Variants in PNN observed in about 807,000 individuals in gnomAD.
The protein encoded by PNN is pinin.
In PNN, 38 loss-of-function variants were observed where a neutral mutation model predicts 76.6. That is an observed-to-expected ratio of 0.50 (90% CI 0.38 to 0.65). PNN has a LOEUF of 0.65. PNN is among the 30% of genes least tolerant of loss of function. The pLI, the probability that PNN is intolerant of heterozygous loss-of-function variation, is 0.00. For missense variants in PNN, 873 were observed against 874.1 expected (o/e 1.00, Z 0.02); for synonymous variants, 366 against 283.7 (o/e 1.29, Z -2.91).
chr14:39,177,355 C>A, intron 3 of PNN, 57 bp from the exon 4 acceptor site: 2 of 1,437,518 alleles, frequency 1.4e-6, no homozygotes, highest in South Asian at 1.2e-5. Context: ...CACTGCACTT[C>A]AGCCTGGGTG....
intron 6 of PNN, among the ~76,000 whole-genome samples, chr14:39,178,161 A>T (rs1419491410): frequency 6.6e-6 from 1 of 152,156 alleles, no homozygotes; most frequent in African/African-American, 2.4e-5. Flanking sequence ...AAAAGCCTCA[A>T]GTCTCCATTT....
chr14:39,180,915 C>T lies in PNN; in HGVS notation c.1206C>T (p.Asp402=), dbSNP rs1472753084. The change falls in exon 9 of 9, where the codon GAC becomes GAT. Residue 402 remains aspartate (D), a synonymous_variant. Coordinates refer to ENST00000216832, the MANE Select transcript of PNN (RefSeq NM_002687.4). ...AGAATGTCAAACATGTAATTGCTGACCAGGAGGTAATGGAAACTAATCGAG... is the reference window on the plus strand; with the variant it reads ...AGAATGTCAAACATGTAATTGCTGATCAGGAGGTAATGGAAACTAATCGAG... ...MVENVKHVIA[D]QEVMETNRVE... is the part of the protein sequence containing the mutation. The T allele has an allele frequency of 2.5e-6, 4 of 1,613,692 alleles. No homozygotes were observed. The highest frequency in any genetic ancestry group is 3.4e-6 in the Non-Finnish European group (4 of 1,179,922).
In PNN at chr14:39,179,427, A is replaced by G; in HGVS notation, c.758A>G (p.Gln253Arg). Residue 253 changes from glutamine to arginine, a missense_variant, in exon 8 of 9, where the codon CAA (glutamine) becomes CGA (arginine). This residue lies in a region of PNN where 712 missense variants were observed against 693.1 expected (regional missense o/e 1.03). Transcript: ENST00000216832. ...YIPGRMCPAT[Q>R]KLIEESQRKM... is the part of the protein sequence containing the mutation. ...CCTGGAAGAATGTGTCCAGCTACCC[A>G]AAAACTAATAGAAGAGTCACAGAGA... The G allele has an allele frequency of 1.2e-6, 2 of 1,612,898 alleles. No individual in the cohort carries two copies. The highest frequency in any genetic ancestry group is 1.7e-6 in the Non-Finnish European group (2 of 1,179,210).
Position 39,179,124 on chromosome 14 carries a change from GA to G in PNN, c.534del (p.Val179PhefsTer51). On this transcript the variant is annotated frameshift_variant, in exon 7 of 9. Coordinates refer to ENST00000216832, the MANE Select transcript of PNN (RefSeq NM_002687.4). LOFTEE classifies it high-confidence loss of function. ...KRRQEIEQKL[E>X]VQAEEERKQV... Reference sequence around the variant, plus strand: ...GCGCCAGGAAATTGAACAAAAACTTGAAGTTCAGGCAGAAGAAGAGAGAAAG... The same window carrying G: ...GCGCCAGGAAATTGAACAAAAACTTGAGTTCAGGCAGAAGAAGAGAGAAAG... 1 of 1,612,910 alleles carries G rather than the reference GA, an allele frequency of 6.2e-7. No individual in the cohort carries two copies. The highest frequency in any genetic ancestry group is 8.5e-7 in the Non-Finnish European group (1 of 1,179,792).
Position 39,183,179 on chromosome 14 carries a change from A to G in PNN, c.*1316A>G, listed in dbSNP as rs1034396181. 2 of 152,238 alleles carry G rather than the reference A, an allele frequency of 1.3e-5. No individual in the cohort carries two copies. Among genetic ancestry groups the G allele is most frequent in the Non-Finnish European group, 2.9e-5 (2 of 68,036 alleles). 9.4% of individuals were successfully genotyped at this position (152,238 alleles called of 1,614,324 possible). A position where few individuals can be genotyped will look rare whatever the true frequency, so the allele number is the denominator to read the frequency against. On this transcript the variant is annotated 3_prime_UTR_variant, in exon 9 of 9. Transcript: ENST00000216832. Reference sequence around the variant, plus strand: ...GATGTGTTAAAAGATCTCTTTTTAAAAATCCTTTTATTGGAGTAATTATTA... The same window carrying G: ...GATGTGTTAAAAGATCTCTTTTTAAGAATCCTTTTATTGGAGTAATTATTA...
Position 39,182,606 on chromosome 14 carries a change from T to A in PNN, c.*743T>A, listed in dbSNP as rs1317478960. On this transcript the variant is annotated 3_prime_UTR_variant, in exon 9 of 9. Coordinates refer to ENST00000216832, the MANE Select transcript of PNN (RefSeq NM_002687.4). ...TTTGTCTTCATGGTTACTTGTGTGA[T>A]ATAACATACATCTGTTAAAGAAAAT... The A allele has an allele frequency of 1.3e-5, 2 of 152,520 alleles. No individual in the cohort carries two copies. Among genetic ancestry groups the A allele is most frequent in the African/African-American group, 4.8e-5 (2 of 41,462 alleles). 9.4% of individuals were successfully genotyped at this position (152,520 alleles called of 1,614,324 possible).
chr14:39,183,035 T>C lies in PNN; in HGVS notation c.*1172T>C, dbSNP rs1276477181. 6.6e-6 allele frequency: 1 copy of C among 152,660 alleles called. No individual in the cohort carries two copies. The highest frequency in any genetic ancestry group is 2.4e-5 in the African/African-American group (1 of 41,460). 9.5% of individuals were successfully genotyped at this position (152,660 alleles called of 1,614,324 possible). A position where few individuals can be genotyped will look rare whatever the true frequency, so the allele number is the denominator to read the frequency against. On this transcript the variant is annotated 3_prime_UTR_variant, in exon 9 of 9. Transcript: ENST00000216832. ...CCTTCTTTGAGTTTAACACTGTAGC[T>C]TTAGCCTTGACTTTGAATATTCATT...
At chr14:39,175,799 C>T (rs998915907) in intron 1 of PNN, 3 of 484,188 alleles carry the variant, frequency 6.2e-6, no homozygotes, top group East Asian at 4.1e-5. Context: ...TGTCCACGTG[C>T]AGCCTCCTCG....
rs772124441 is a variant in PNN, at chr14:39,180,711, A to G, written c.1002A>G (p.Ala334=). Residue 334 remains alanine (A), a synonymous_variant, in exon 9 of 9, where the codon GCA becomes GCG. Transcript: ENST00000216832. ...NQHNDVEIEE[A]GEEEEKEIAI... Reference sequence around the variant, plus strand: ...ACAATGATGTAGAAATAGAGGAAGCAGGAGAGGAAGAGGAAAAGGAAATAG... The same window carrying G: ...ACAATGATGTAGAAATAGAGGAAGCGGGAGAGGAAGAGGAAAAGGAAATAG... 1.9e-6 allele frequency: 3 copies of G among 1,600,456 alleles called. No individual in the cohort carries two copies. The highest frequency in any genetic ancestry group is 2.6e-6 in the Non-Finnish European group (3 of 1,172,212).
chr14:39,181,811 C>G lies in PNN; in HGVS notation c.2102C>G (p.Ser701Cys). ...GAGAGTAGTCGATCAGGCAAAAGATCTTCAAGAAGTGAAAGAGACCGAAAA... is the reference window on the plus strand; with the variant it reads ...GAGAGTAGTCGATCAGGCAAAAGATGTTCAAGAAGTGAAAGAGACCGAAAA... The part of the protein sequence containing the change: ...ISESSRSGKR[S>C]SRSERDRKSD... The change falls in exon 9 of 9, where the codon TCT becomes TGT. Residue 701 changes from serine (S) to cysteine (C), a missense_variant. This residue lies in a region of PNN where 712 missense variants were observed against 693.1 expected (regional missense o/e 1.03). Transcript: ENST00000216832. 1 of 1,608,724 alleles carries G rather than the reference C, an allele frequency of 6.2e-7. No individual in the cohort carries two copies. The highest frequency in any genetic ancestry group is 8.5e-7 in the Non-Finnish European group (1 of 1,178,716).
At position 39,182,898 on chromosome 14, in the gene PNN, G is replaced by A. The variant is rs1168005334; in HGVS notation, c.*1035G>A. 2 of 152,540 alleles carry A rather than the reference G, an allele frequency of 1.3e-5. No individual in the cohort carries two copies. The highest frequency in any genetic ancestry group is 2.9e-5 in the Non-Finnish European group (2 of 68,014). The allele number at this position is 152,540 out of a possible 1,614,324, so 9.4% of individuals were successfully genotyped here. A position where few individuals can be genotyped will look rare whatever the true frequency, so the allele number is the denominator to read the frequency against. On this transcript the variant is annotated 3_prime_UTR_variant, in exon 9 of 9. Coordinates refer to ENST00000216832, the MANE Select transcript of PNN (RefSeq NM_002687.4). ...TTTGTATGAACTTGGAGTATCTGTT[G>A]GCCATTACTATACATGTGCAAATAA...
Position 39,177,076 on chromosome 14 carries a change from C to T in PNN, c.255-336C>T, listed in dbSNP as rs371764620. 4.6e-5 allele frequency among the ~76,000 whole-genome samples: 7 copies of T among 152,284 alleles called. No homozygotes were observed. The South Asian group carries it at 6.2e-4, about 14-fold the overall frequency. Reference sequence around the variant, plus strand: ...CCCTTGGTGTGCAGTTACATAAATACCTCAGTGGTCATTTAAATTAATTTT... The same window carrying T: ...CCCTTGGTGTGCAGTTACATAAATATCTCAGTGGTCATTTAAATTAATTTT... On this transcript the variant is annotated intron_variant, in intron 3 of 8. Transcript: ENST00000216832.
chr14:39,175,690 A>C (rs1594553220), intron 1 of PNN: 1 of 476,662 alleles, frequency 2.1e-6, no homozygotes, highest in East Asian at 4.3e-5. Context: ...CAGGCCCGGA[A>C]CTGCAGCACA....
chr14:39,177,941 A>G, intron 6 of PNN, 25 bp downstream of exon 6: 1 of 1,412,746 alleles, frequency 7.1e-7, no homozygotes. Context: ...TTTGTTTTGC[A>G]TCATATATTT....
chr14:39,181,323 T>G lies in PNN; in HGVS notation c.1614T>G (p.Thr538=). Residue 538 remains threonine (T), a synonymous_variant, in exon 9 of 9, where the codon ACT becomes ACG. Transcript: ENST00000216832. ...KDFPVESVKL[T]EVPVEPVLTV... ...TTCCTGTAGAGTCTGTAAAACTCAC[T>G]GAGGTACCAGTAGAGCCAGTCTTGA... is the stretch of plus-strand genomic sequence containing the variant. 6.2e-7 allele frequency: 1 copy of G among 1,614,188 alleles called. No homozygotes were observed. The highest frequency in any genetic ancestry group is 8.5e-7 in the Non-Finnish European group (1 of 1,180,016).
rs2053235874 is a variant in PNN at position 39,177,412 on chromosome 14, G to A, written c.255G>A (p.Arg85=). 2 of 1,613,502 alleles carry A rather than the reference G, an allele frequency of 1.2e-6. No individual in the cohort carries two copies. The highest frequency in any genetic ancestry group is 1.7e-6 in the Non-Finnish European group (2 of 1,179,532). The change falls in exon 4 of 9, where the codon AGG becomes AGA. Residue 85 remains arginine, a splice_region_variant and synonymous_variant. Transcript: ENST00000216832. The part of the protein sequence containing the change: ...KQRDLEGAVS[R]LGGERRTRRE... The stretch of plus-strand genomic sequence containing the variant: ...AAAAAATTAATATTTTCTATGACAG[G>A]CTGGGCGGGGAGCGTCGGACCAGAA...
rs1458160554 is a variant in PNN at position 39,180,864 on chromosome 14, A to G, written c.1155A>G (p.Glu385=). 1.9e-6 allele frequency: 3 copies of G among 1,614,108 alleles called. No individual in the cohort carries two copies. Among genetic ancestry groups the G allele is most frequent in the East Asian group, 2.2e-5 (1 of 44,894 alleles). ...SEKQQDSQPE[E]VMDVLEMVEN... ...AGCAGCAGGATAGTCAGCCTGAAGAAGTTATGGATGTGCTAGAGATGGTTG... is the reference window on the plus strand; with the variant it reads ...AGCAGCAGGATAGTCAGCCTGAAGAGGTTATGGATGTGCTAGAGATGGTTG... The change falls in exon 9 of 9, where the codon GAA becomes GAG. Residue 385 remains glutamate (E), a synonymous_variant. Transcript: ENST00000216832.
chr14:39,180,703 G>C lies in PNN; in HGVS notation c.994G>C (p.Glu332Gln). ...TGNQHNDVEI[E>Q]EAGEEEEKEI... ...TAATCAGCACAATGATGTAGAAATA[G>C]AGGAAGCAGGAGAGGAAGAGGAAAA... The change falls in exon 9 of 9, where the codon GAG becomes CAG. Residue 332 changes from glutamate (E) to glutamine (Q), a missense_variant. Glu to Gln is a conservative substitution (Grantham distance 29, BLOSUM62 2). Coordinates refer to ENST00000216832, the MANE Select transcript of PNN (RefSeq NM_002687.4). 6.2e-7 allele frequency: 1 copy of C among 1,602,378 alleles called. No individual in the cohort carries two copies. The highest frequency in any genetic ancestry group is 8.5e-7 in the Non-Finnish European group (1 of 1,173,222).
chr14:39,181,908 TTC>T lies in PNN; in HGVS notation c.*47_*48del. ...TTAGCCATTCTTTGCAGCAGAAGAT[TTC>T]TTGATAAAAAAGGATTACCTTTCCT... On this transcript the variant is annotated 3_prime_UTR_variant, in exon 9 of 9. Transcript: ENST00000216832. 6.6e-7 allele frequency: 1 copy of T among 1,512,556 alleles called. No homozygotes were observed. The highest frequency in any genetic ancestry group is 2.3e-5 in the East Asian group (1 of 44,164). 93.7% of individuals were successfully genotyped at this position (1,512,556 alleles called of 1,614,324 possible). A position where few individuals can be genotyped will look rare whatever the true frequency, so the allele number is the denominator to read the frequency against.
Sources: gnomAD v4.1 joint callset for allele counts (sites outside exome capture counted in the v4.1 genomes callset) on GRCh38, gnomAD v4.1.1 for gene constraint, gnomAD v4.1.1 regional missense constraint, MANE v1.5 for transcripts, NCBI Gene and HGNC (gene_info 2026-07-23, HGNC 2026-07-21) for gene names.